STAC: variants seen among roughly 807,000 people sequenced by gnomAD.
The protein encoded by STAC is SH3 and cysteine rich domain, also known as SH3 and cysteine-rich domain-containing protein.
In STAC, 43 loss-of-function variants were observed where a neutral mutation model predicts 48.8. That is an observed-to-expected ratio of 0.88 (90% confidence interval 0.69 to 1.14). STAC has a LOEUF of 1.14. Ranked by LOEUF, STAC falls within the 50% of genes most tolerant of loss-of-function variation. STAC has a pLI of 0.00. For missense variants in STAC, 497 were observed against 504.0 expected, an observed-to-expected ratio of 0.99 and a Z score of 0.13; for synonymous variants, 193 against 179.5, an observed-to-expected ratio of 1.07 and a Z score of -0.60.
At chr3:36,500,048 A>C (rs1698245831) in intron 6 of STAC, among the ~76,000 whole-genome samples, 1 of 152,194 alleles carries the variant, frequency 6.6e-6, no homozygotes, top group Non-Finnish European at 1.5e-5. Context: ...GAAATTGACA[A>C]AATTATTCCA....
chr3:36,442,739 TACACACACACACACACACAC>T (rs10528748), intron 1 of STAC, among the ~76,000 whole-genome samples: 10,649 of 133,420 alleles, frequency 0.08, 1,192 homozygotes, highest in African/African-American at 0.25. Context: ...TCCTATGTCC[TACACACACACACACACACAC>T]ACACACACAC....
At chr3:36,413,562 G>A (rs1014555896) in intron 1 of STAC, among the ~76,000 whole-genome samples, 12 of 152,194 alleles carry the variant, frequency 7.9e-5, no homozygotes, top group Non-Finnish European at 1.6e-4. Context: ...TTGAGCCTAT[G>A]TATGTCTCTG....
chr3:36,507,105 A>G (rs1698421277), intron 8 of STAC, among the ~76,000 whole-genome samples: 1 of 152,086 alleles, frequency 6.6e-6, no homozygotes, highest in African/African-American at 2.4e-5. Flanking sequence ...ATCAATACTT[A>G]GTTTATGAGA....
In STAC at chr3:36,485,070, C is replaced by T; in HGVS notation, c.571+12C>T. On this transcript the variant is annotated intron_variant, in intron 4 of 10. Transcript: ENST00000273183. Reference sequence around the variant, plus strand: ...AGTTATGCCCATTGGTGAGTTGGGACATTGATGGGTTGAGTTGAGTTTGAA... The same window carrying T: ...AGTTATGCCCATTGGTGAGTTGGGATATTGATGGGTTGAGTTGAGTTTGAA... 1.3e-6 allele frequency: 2 copies of T among 1,594,910 alleles called. No homozygotes were observed. Among genetic ancestry groups the T allele is most frequent in the South Asian group, 1.1e-5 (1 of 87,658 alleles).
intron 1 of STAC, among the ~76,000 whole-genome samples, chr3:36,383,564 GTTATTTTCATT>G (rs60110169): frequency 0.98 from 148,632 of 152,112 alleles, 72,634 homozygotes; most frequent in East Asian, 1. Flanking sequence ...AAGGATAAGG[GTTATTTTCATT>G]TTATTTTCAT....
intron 8 of STAC, among the ~76,000 whole-genome samples, chr3:36,509,578 T>C (rs1396133610): frequency 6.6e-6 from 1 of 152,150 alleles, no homozygotes; most frequent in Non-Finnish European, 1.5e-5. Context: ...AGTCCCATAT[T>C]TCTTGGAGGC....
At chr3:36,517,457 C>T (rs1698700273) in intron 8 of STAC, among the ~76,000 whole-genome samples, 1 of 152,088 alleles carries the variant, frequency 6.6e-6, no homozygotes, top group Non-Finnish European at 1.5e-5. Flanking sequence ...CAAAACCAGC[C>T]TGCGCAACAT....
At chr3:36,453,202 C>T (rs926993301) in intron 2 of STAC, among the ~76,000 whole-genome samples, 1 of 152,258 alleles carries the variant, frequency 6.6e-6, no homozygotes, top group African/African-American at 2.4e-5. Flanking sequence ...ACAGCCCTTG[C>T]TCGCTCCCGG....
chr3:36,490,797 T>G (rs1375177217), intron 5 of STAC, among the ~76,000 whole-genome samples: 1 of 152,246 alleles, frequency 6.6e-6, no homozygotes, highest in Non-Finnish European at 1.5e-5. Context: ...TGTCCCAGTT[T>G]GCTTTCATCT....
intron 8 of STAC, among the ~76,000 whole-genome samples, chr3:36,509,509 T>C (rs1698484897): frequency 6.6e-6 from 1 of 152,192 alleles, no homozygotes; most frequent in African/African-American, 2.4e-5. Context: ...TCCAACTTTG[T>C]TCCATTCTCC....
Position 36,443,115 on chromosome 3 carries a change from G to A in STAC, c.112-249G>A, listed in dbSNP as rs1345040381. ...GGACTTTAAGGAGGCAGGGGAGGAGGAGCAGGGGCAGAATCAAAGGCAAAA... is the reference window on the plus strand; with the variant it reads ...GGACTTTAAGGAGGCAGGGGAGGAGAAGCAGGGGCAGAATCAAAGGCAAAA... On this transcript the variant is annotated intron_variant, in intron 1 of 10. Transcript: ENST00000273183. This position sits in a 1 kb window ranked among gnomAD's most constrained non-coding sequence, Gnocchi z 4.2. Among the ~76,000 whole-genome samples the A allele has an allele frequency of 6.6e-6, 1 of 152,128 alleles. No homozygotes were observed. The highest frequency in any genetic ancestry group is 2.4e-5 in the African/African-American group (1 of 41,416).
Position 36,425,955 on chromosome 3 carries a change from C to T in STAC, c.112-17409C>T, listed in dbSNP as rs545977251. Among the ~76,000 whole-genome samples the T allele has an allele frequency of 1.4e-4, 21 of 152,132 alleles. No homozygotes were observed. In the South Asian group the frequency reaches 3.7e-3, roughly 27 times the overall value. ...CTGAGGTGGCAGGATCACTGGAGCC[C>T]GGTGGGGCAGAGGTTGCAGTAAGCT... is the stretch of plus-strand genomic sequence containing the variant. On this transcript the variant is annotated intron_variant, in intron 1 of 10. Coordinates refer to ENST00000273183, the MANE Select transcript of STAC (RefSeq NM_003149.3).
chr3:36,463,253 A>C (rs889383032), intron 2 of STAC, among the ~76,000 whole-genome samples: 1 of 152,202 alleles, frequency 6.6e-6, no homozygotes, highest in South Asian at 2.1e-4. Context: ...CTATTCTTAC[A>C]ATTGTGTAGA....
At chr3:36,534,446 C>T (rs1699147096) in intron 10 of STAC, among the ~76,000 whole-genome samples, 1 of 152,020 alleles carries the variant, frequency 6.6e-6, no homozygotes, top group Non-Finnish European at 1.5e-5. Context: ...ATATTTATAA[C>T]CCTACAAATA....
At chr3:36,493,510 G>T (rs916924865) in intron 6 of STAC, among the ~76,000 whole-genome samples, 19 of 151,846 alleles carry the variant, frequency 1.3e-4, no homozygotes, top group African/African-American at 4.6e-4. Context: ...AAACTGAGCT[G>T]TATTGGGGTT....
intron 1 of STAC, among the ~76,000 whole-genome samples, chr3:36,420,059 A>G (rs1253924651): frequency 6.6e-6 from 1 of 152,256 alleles, no homozygotes; most frequent in African/African-American, 2.4e-5. Flanking sequence ...TTTGTAAAAT[A>G]TACTAATGGC....
At chr3:36,542,750 A>G (rs934424403) in intron 10 of STAC, among the ~76,000 whole-genome samples, 38 of 152,226 alleles carry the variant, frequency 2.5e-4, no homozygotes, top group African/African-American at 8.7e-4. Flanking sequence ...ACAATCAGCC[A>G]TCAAAACAGC....
At chr3:36,529,065 C>A in intron 10 of STAC, 80 bp downstream of exon 10, 1 of 1,344,678 alleles carries the variant, frequency 7.4e-7, no homozygotes, top group Non-Finnish European at 1.0e-6. Flanking sequence ...ATGTATAAAT[C>A]TGAATGAGTG....
At chr3:36,416,587 T>C (rs2125640150) in intron 1 of STAC, among the ~76,000 whole-genome samples, 1 of 152,338 alleles carries the variant, frequency 6.6e-6, no homozygotes, top group South Asian at 2.1e-4. Flanking sequence ...AAGTCTTGTA[T>C]TTTTTATGCC....
Sources: gnomAD v4.1 joint callset for allele counts (sites outside exome capture counted in the v4.1 genomes callset) on GRCh38, gnomAD v4.1.1 for gene constraint, Gnocchi (gnomAD v3.1) non-coding constraint, MANE v1.5 for transcripts, NCBI Gene and HGNC (gene_info 2026-07-23, HGNC 2026-07-21) for gene names.